HIPK3: variants seen among roughly 807,000 people sequenced by gnomAD.
HIPK3 encodes the protein homeodomain interacting protein kinase 3, also known as homeodomain-interacting protein kinase 3.
A neutral mutation model predicts 124.2 loss-of-function variants in HIPK3; 47 were observed. That is an observed-to-expected ratio of 0.38 (90% CI 0.30 to 0.48). HIPK3 has a LOEUF of 0.48. HIPK3 is among the 20% of genes least tolerant of loss of function. The pLI is 0.98. For missense variants in HIPK3, 1,286 were observed against 1,454.3 expected (o/e 0.88, Z 1.88); for synonymous variants, 482 against 515.2 (o/e 0.94, Z 0.87).
intron 1 of HIPK3, among the ~76,000 whole-genome samples, chr11:33,275,786 A>C (rs1851255458): frequency 6.6e-6 from 1 of 152,206 alleles, no homozygotes; most frequent in Non-Finnish European, 1.5e-5. Flanking sequence ...CAGCTTTAAA[A>C]ACTGTTATGA....
intron 2 of HIPK3, among the ~76,000 whole-genome samples, chr11:33,325,115 G>A (rs1036301740): frequency 1.3e-5 from 2 of 152,202 alleles, no homozygotes; most frequent in African/African-American, 4.8e-5. Context: ...TTGTAAAGAT[G>A]ACTCTGTATT....
intron 2 of HIPK3, among the ~76,000 whole-genome samples, chr11:33,312,566 T>G (rs1355511243): frequency 6.6e-6 from 1 of 152,206 alleles, no homozygotes; most frequent in Non-Finnish European, 1.5e-5. Flanking sequence ...CTGCCAGGGA[T>G]TGTATGAAAT....
At chr11:33,266,320 T>G (rs879440916) in intron 1 of HIPK3, among the ~76,000 whole-genome samples, 7 of 148,876 alleles carry the variant, frequency 4.7e-5, no homozygotes, top group Non-Finnish European at 9.0e-5. Context: ...TTTATTAAAA[T>G]GAAATATTTA....
Position 33,258,558 on chromosome 11 carries a change from G to C in HIPK3, c.-3+669G>C, listed in dbSNP as rs985414242. The C allele has an allele frequency of 4.1e-6, 4 of 985,382 alleles. No homozygotes were observed. In the African/African-American group the frequency reaches 5.2e-5, roughly 13 times the overall value. The allele number at this position is 985,382 out of a possible 1,614,324, so 61.0% of individuals were successfully genotyped here. A position where few individuals can be genotyped will look rare whatever the true frequency, so the allele number is the denominator to read the frequency against. ...GAGGAAGGCGTGGCGGCCGCGCGGC[G>C]GGGCTGTTGCCGGCTTCTCTCGTTA... On this transcript the variant is annotated intron_variant, in intron 1 of 16. Transcript: ENST00000303296.
rs1853785377 is a variant in HIPK3, at chr11:33,355,248, T to G, written c.*1680T>G. 1 of 152,124 alleles carries G rather than the reference T, an allele frequency of 6.6e-6. No individual in the cohort carries two copies. The highest frequency in any genetic ancestry group is 2.4e-5 in the African/African-American group (1 of 41,468). 9.4% of individuals were successfully genotyped at this position (152,124 alleles called of 1,614,324 possible). On this transcript the variant is annotated 3_prime_UTR_variant, in exon 17 of 17. Coordinates refer to ENST00000303296, the MANE Select transcript of HIPK3 (RefSeq NM_005734.5). The stretch of plus-strand genomic sequence containing the variant: ...CTGTTTGGAGTGTCATTGTAACTAC[T>G]GTATTGTAAATGGTGGAAAATAATT...
At chr11:33,327,425 A>G (rs149479048) in intron 2 of HIPK3, among the ~76,000 whole-genome samples, 1,603 of 152,292 alleles carry the variant, frequency 0.011, 7 homozygotes, top group Non-Finnish European at 0.015. Context: ...ATTATTCCAT[A>G]TTGAAAAAGA....
rs200039689 is a variant in HIPK3, at chr11:33,351,822, G to T, written c.3022G>T (p.Asp1008Tyr). ...PVELENGLNA[D>Y]EHMANTDSIC... ...GGAACTAGAAAATGGCTTAAATGCC[G>T]ATGAGCATATGGCAAACACAGGTAA... The change falls in exon 15 of 17, where the codon GAT becomes TAT. Residue 1008 changes from aspartate to tyrosine, a missense_variant. By Grantham distance (160) the Asp-to-Tyr change is radical. This residue lies in a region of HIPK3 where 810 missense variants were observed against 864.9 expected (regional missense o/e 0.94). Coordinates refer to ENST00000303296, the MANE Select transcript of HIPK3 (RefSeq NM_005734.5). 3 of 1,613,538 alleles carry T rather than the reference G, an allele frequency of 1.9e-6. No homozygotes were observed. The highest frequency in any genetic ancestry group is 1.7e-4 in the Middle Eastern group (1 of 6,060).
intron 1 of HIPK3, among the ~76,000 whole-genome samples, chr11:33,282,473 GGAGTTC>G (rs1851436256): frequency 1.3e-5 from 2 of 152,162 alleles, no homozygotes; most frequent in Non-Finnish European, 2.9e-5. Context: ...CTTGAGGCCA[GGAGTTC>G]GAGACCAGCT....
At chr11:33,287,538 T>C (rs1263794465) in intron 2 of HIPK3, 27 bp downstream of exon 2, 5 of 1,581,234 alleles carry the variant, frequency 3.2e-6, no homozygotes, top group Non-Finnish European at 3.4e-6. Flanking sequence ...TACTTTTTGG[T>C]TGTTTATTAA....
intron 8 of HIPK3, among the ~76,000 whole-genome samples, chr11:33,346,041 G>C (rs1229595994): frequency 6.6e-6 from 1 of 152,058 alleles, no homozygotes; most frequent in Non-Finnish European, 1.5e-5. Context: ...GAAAGTAACT[G>C]CTGCAATAAA....
intron 3 of HIPK3, among the ~76,000 whole-genome samples, chr11:33,334,684 T>A (rs1853086718): frequency 6.6e-6 from 1 of 152,120 alleles, no homozygotes; most frequent in Non-Finnish European, 1.5e-5. Flanking sequence ...AATCTCATAA[T>A]GTCTTAAGAA....
chr11:33,272,577 A>G (rs973942958), intron 1 of HIPK3, among the ~76,000 whole-genome samples: 1 of 152,126 alleles, frequency 6.6e-6, no homozygotes, highest in Non-Finnish European at 1.5e-5. Context: ...CAAAGTTGTC[A>G]TAAGAATGAG....
chr11:33,273,678 C>T (rs1311969497), intron 1 of HIPK3, among the ~76,000 whole-genome samples: 1 of 151,960 alleles, frequency 6.6e-6, no homozygotes, highest in East Asian at 1.9e-4. Context: ...CAGTATAAGG[C>T]ATATTAGGAC....
At chr11:33,268,321 G>A (rs1012016246) in intron 1 of HIPK3, among the ~76,000 whole-genome samples, 8 of 152,068 alleles carry the variant, frequency 5.3e-5, no homozygotes, top group African/African-American at 1.9e-4. Context: ...TGGGCCGGGT[G>A]TAGTGGCTCA....
chr11:33,330,663 T>C (rs974200847), intron 3 of HIPK3, among the ~76,000 whole-genome samples: 1 of 152,158 alleles, frequency 6.6e-6, no homozygotes, highest in Non-Finnish European at 1.5e-5. Context: ...ACAAAATACA[T>C]GAATGCAAAG....
intron 2 of HIPK3, among the ~76,000 whole-genome samples, chr11:33,293,995 C>T (rs370506042): frequency 1.3e-5 from 2 of 151,918 alleles, no homozygotes; most frequent in African/African-American, 2.4e-5. Context: ...GGTCAAACCC[C>T]GTCTCTACTA....
chr11:33,339,277 T>A (rs1210574095), intron 5 of HIPK3, 73 bp from the exon 6 acceptor site: 1 of 1,174,700 alleles, frequency 8.5e-7, no homozygotes. Context: ...TTGTTTTATT[T>A]TTTAACGGTG....
intron 1 of HIPK3, among the ~76,000 whole-genome samples, chr11:33,262,404 T>G (rs758701585): frequency 5.1e-4 from 78 of 152,228 alleles, no homozygotes; most frequent in Non-Finnish European, 8.4e-4. Flanking sequence ...CCTTGAGCTT[T>G]TTGGCAGACC....
At chr11:33,300,825 C>T (rs903018412) in intron 2 of HIPK3, among the ~76,000 whole-genome samples, 14 of 152,080 alleles carry the variant, frequency 9.2e-5, no homozygotes, top group Admixed American at 6.6e-4. Flanking sequence ...ACCTCCACCC[C>T]GCCGGGCTCA....
Sources: gnomAD v4.1 joint callset for allele counts (sites outside exome capture counted in the v4.1 genomes callset) on GRCh38, gnomAD v4.1.1 for gene constraint, gnomAD v4.1.1 regional missense constraint, MANE v1.5 for transcripts, NCBI Gene and HGNC (gene_info 2026-07-23, HGNC 2026-07-21) for gene names.